The following TNFSF4 variants were observed in gnomAD, a reference collection of about 807,000 sequenced individuals.
The protein encoded by TNFSF4 is TNF superfamily member 4, also known as tumor necrosis factor ligand superfamily member 4.
TNFSF4 carries 4 observed loss-of-function variants against 7.3 expected under a neutral mutation model. That is an observed-to-expected ratio of 0.55 (90% CI 0.27 to 1.25). The LOEUF (loss-of-function observed/expected upper bound fraction) is 1.25. Ranked by LOEUF, TNFSF4 falls within the 50% of genes most tolerant of loss-of-function variation. The pLI, the probability that TNFSF4 is intolerant of heterozygous loss-of-function variation, is 0.12. For missense variants in TNFSF4, 181 were observed against 208.8 expected, an observed-to-expected ratio of 0.87 and a Z score of 0.82; for synonymous variants, 76 against 83.7, an observed-to-expected ratio of 0.91 and a Z score of 0.50.
At chr1:173,446,408 A>T in the TNFSF4 span, among the ~76,000 whole-genome samples, 23,110 of 152,216 alleles carry the variant, frequency 0.15, 2,116 homozygotes, top group East Asian at 0.31. Flanking sequence ...GACTTTATTC[A>T]TAACTGCCAA....
the TNFSF4 span, among the ~76,000 whole-genome samples, chr1:173,440,018 C>G: frequency 2.6e-4 from 40 of 152,314 alleles, 1 homozygote; most frequent in South Asian, 4.6e-3. Flanking sequence ...TTCTGCCTAC[C>G]TTTGGCATAG....
chr1:173,320,811 C>T, the TNFSF4 span, among the ~76,000 whole-genome samples: 1 of 152,242 alleles, frequency 6.6e-6, no homozygotes, highest in Non-Finnish European at 1.5e-5. Flanking sequence ...CAAATCAATG[C>T]TCAAGGAAAT....
chr1:173,340,660 C>T, the TNFSF4 span, among the ~76,000 whole-genome samples: 2 of 152,118 alleles, frequency 1.3e-5, no homozygotes, highest in Non-Finnish European at 2.9e-5. Context: ...AAAGCAGACA[C>T]AGGTGAATGC....
the TNFSF4 span, among the ~76,000 whole-genome samples, chr1:173,354,427 T>A: frequency 2.8e-4 from 42 of 151,714 alleles, no homozygotes; most frequent in Non-Finnish European, 1.3e-4. Context: ...GAAGAGCTGG[T>A]ACCATTCCTA....
At chr1:173,435,097 A>G in the TNFSF4 span, among the ~76,000 whole-genome samples, 1 of 152,190 alleles carries the variant, frequency 6.6e-6, no homozygotes, top group Non-Finnish European at 1.5e-5. Flanking sequence ...ACTCATGACC[A>G]TATCTGATAG....
chr1:173,269,453 C>G, the TNFSF4 span, among the ~76,000 whole-genome samples: 3 of 152,096 alleles, frequency 2.0e-5, no homozygotes, highest in African/African-American at 4.8e-5. Context: ...TTAAAAGAAG[C>G]ACTTTACAGC....
At chr1:173,221,594 G>A in the TNFSF4 span, among the ~76,000 whole-genome samples, 2 of 152,214 alleles carry the variant, frequency 1.3e-5, no homozygotes, top group Admixed American at 6.5e-5. Flanking sequence ...GTGTGGTGGT[G>A]CCATTGACTG....
chr1:173,204,791 T>C (rs6682315), intron 1 of TNFSF4, among the ~76,000 whole-genome samples: 2,445 of 152,090 alleles, frequency 0.016, 62 homozygotes, highest in African/African-American at 0.051. Flanking sequence ...AACAGTATTG[T>C]AGATGAGTTT....
At chr1:173,314,322 T>C in the TNFSF4 span, among the ~76,000 whole-genome samples, 11 of 152,260 alleles carry the variant, frequency 7.2e-5, no homozygotes, top group African/African-American at 2.6e-4. Flanking sequence ...TTACTACTTA[T>C]GATTTCTATT....
chr1:173,363,810 C>G, the TNFSF4 span: 1 of 166,222 alleles, frequency 6.0e-6, no homozygotes, highest in African/African-American at 2.4e-5. Flanking sequence ...AGGAGCTGCC[C>G]ACCAGGGGTG....
At chr1:173,281,286 G>C in the TNFSF4 span, among the ~76,000 whole-genome samples, 1 of 152,078 alleles carries the variant, frequency 6.6e-6, no homozygotes, top group Non-Finnish European at 1.5e-5. Flanking sequence ...CAGATGTAGA[G>C]GATTATATTA....
At chr1:173,199,826 T>C (rs935232155) in intron 1 of TNFSF4, among the ~76,000 whole-genome samples, 4 of 149,732 alleles carry the variant, frequency 2.7e-5, no homozygotes, top group Admixed American at 2.0e-4. Context: ...GGAGATTATA[T>C]AGCTTAATCT....
the TNFSF4 span, chr1:173,175,299 A>G: frequency 6.6e-6 from 1 of 152,202 alleles, no homozygotes; most frequent in African/African-American, 2.4e-5. Flanking sequence ...AGTGCTTTAG[A>G]CCAACCATAT....
At chr1:173,426,027 G>A in the TNFSF4 span, among the ~76,000 whole-genome samples, 5 of 152,216 alleles carry the variant, frequency 3.3e-5, no homozygotes, top group African/African-American at 1.2e-4. Context: ...CAAGTGCATG[G>A]AGCATCACAG....
At chr1:173,369,083 A>G in the TNFSF4 span, among the ~76,000 whole-genome samples, 1 of 152,304 alleles carries the variant, frequency 6.6e-6, no homozygotes, top group East Asian at 1.9e-4. Context: ...TCCCAAAGCT[A>G]GGATATGGGG....
the TNFSF4 span, among the ~76,000 whole-genome samples, chr1:173,216,786 A>T: frequency 6.6e-6 from 1 of 152,224 alleles, no homozygotes; most frequent in Admixed American, 6.5e-5. Context: ...CAAACAAACA[A>T]ACAAAAACCT....
the TNFSF4 span, among the ~76,000 whole-genome samples, chr1:173,246,093 T>C: frequency 4.4e-4 from 67 of 152,288 alleles, no homozygotes; most frequent in African/African-American, 1.5e-3. Context: ...ATATGCTGAG[T>C]AGGGGAATTG....
chr1:173,236,564 G>C, the TNFSF4 span, among the ~76,000 whole-genome samples: 1 of 152,058 alleles, frequency 6.6e-6, no homozygotes, highest in Admixed American at 6.6e-5. Flanking sequence ...AGTCACAATA[G>C]CCAAAATATG....
chr1:173,374,115 TCTC>T, the TNFSF4 span, among the ~76,000 whole-genome samples: 1 of 152,060 alleles, frequency 6.6e-6, no homozygotes, highest in Admixed American at 6.5e-5. Context: ...AATCCGAAAT[TCTC>T]CTCACAACAT....
Sources: gnomAD v4.1 joint callset for allele counts (sites outside exome capture counted in the v4.1 genomes callset) on GRCh38, gnomAD v4.1.1 for gene constraint, MANE v1.5 for transcripts, NCBI Gene and HGNC (gene_info 2026-07-23, HGNC 2026-07-21) for gene names.